The following SLC22A23 variants were observed in gnomAD, a reference collection of about 807,000 sequenced individuals.
SLC22A23 encodes the protein ion transporter protein.
SLC22A23 carries 26 observed loss-of-function variants against 61.0 expected under a neutral mutation model. The observed-to-expected ratio is 0.43, with a 90% CI of 0.31 to 0.59. The LOEUF is 0.59. Ranked by LOEUF, SLC22A23 falls within the 20% of genes least tolerant of loss-of-function variation. The pLI is 0.11. For missense variants in SLC22A23, 796 were observed against 934.7 expected (o/e 0.85, Z 1.94); for synonymous variants, 430 against 413.9 (o/e 1.04, Z -0.47).
intron 1 of SLC22A23, among the ~76,000 whole-genome samples, chr6:3,416,987 C>T (rs1463795403): frequency 6.6e-6 from 1 of 152,176 alleles, no homozygotes; most frequent in African/African-American, 2.4e-5. Flanking sequence ...CCCCTTGTCT[C>T]TATGCTACCC....
intron 1 of SLC22A23, chr6:3,439,343 G>T (rs767503140): frequency 2.4e-6 from 1 of 425,356 alleles, no homozygotes; most frequent in Non-Finnish European, 4.7e-6. Flanking sequence ...TGGATGCTGG[G>T]GTCCTACAGG....
chr6:3,300,272 A>G (rs1761501073), intron 4 of SLC22A23, among the ~76,000 whole-genome samples: 2 of 151,940 alleles, frequency 1.3e-5, no homozygotes, highest in Admixed American at 6.6e-5. Flanking sequence ...GCCTCCCAAA[A>G]TGCTGGGATT....
At chr6:3,343,972 T>A (rs956821919) in intron 3 of SLC22A23, among the ~76,000 whole-genome samples, 3 of 152,224 alleles carry the variant, frequency 2.0e-5, no homozygotes, top group Admixed American at 6.5e-5. Context: ...GAAAATATTT[T>A]AAGAGGATTT....
chr6:3,447,277 T>A (rs1771941600), intron 1 of SLC22A23, among the ~76,000 whole-genome samples: 1 of 152,194 alleles, frequency 6.6e-6, no homozygotes, highest in African/African-American at 2.4e-5. Flanking sequence ...TCTCTCTACC[T>A]CCTACTCAAA....
chr6:3,282,226 C>T (rs756724662), intron 9 of SLC22A23: 68 of 702,566 alleles, frequency 9.7e-5, no homozygotes, highest in Middle Eastern at 2.3e-4. Flanking sequence ...TTTCACTTTC[C>T]GTCCTTTAGA....
intron 1 of SLC22A23, among the ~76,000 whole-genome samples, chr6:3,419,714 G>A (rs1236818981): frequency 6.6e-6 from 1 of 152,162 alleles, no homozygotes; most frequent in Non-Finnish European, 1.5e-5. Flanking sequence ...GCTCTGCCAG[G>A]AATCCTTCCA....
intron 3 of SLC22A23, among the ~76,000 whole-genome samples, chr6:3,332,330 C>T (rs1473229703): frequency 2.6e-5 from 4 of 152,156 alleles, no homozygotes; most frequent in Admixed American, 1.3e-4. Context: ...CAGTTCACAG[C>T]ATCACTACTG....
Position 3,326,789 on chromosome 6 carries a change from A to G in SLC22A23, c.914-2787T>C, listed in dbSNP as rs1165082208. ...CTTTCCAAACTGCTTGAATCTAACT[A>G]TATTCTGAAGGTGGCTATAAAGATG... is the stretch of plus-strand genomic sequence containing the variant. On this transcript the variant is annotated intron_variant, in intron 3 of 9. Coordinates refer to ENST00000406686, the MANE Select transcript of SLC22A23 (RefSeq NM_015482.2). 3.9e-5 allele frequency among the ~76,000 whole-genome samples: 6 copies of G among 152,210 alleles called. No individual in the cohort carries two copies. The East Asian group carries it at 1.2e-3, about 29-fold the overall frequency.
intron 3 of SLC22A23, among the ~76,000 whole-genome samples, chr6:3,382,866 T>C (rs922093824): frequency 6.6e-6 from 1 of 152,160 alleles, no homozygotes; most frequent in East Asian, 1.9e-4. Context: ...AAGAAGGGCA[T>C]TGCTGCTGAT....
intron 1 of SLC22A23, chr6:3,444,680 G>T: frequency 1.7e-6 from 1 of 590,940 alleles, no homozygotes. Context: ...TCTGATCCCG[G>T]CCTCTCTCTG....
rs17249131 is a variant in SLC22A23 at position 3,387,877 on chromosome 6, C to T, written c.913+22311G>A. 0.11 allele frequency among the ~76,000 whole-genome samples: 16,134 copies of T among 152,162 alleles called. 1,173 individuals are homozygous for T. Among genetic ancestry groups the T allele is most frequent in the South Asian group, 0.28 (1,365 of 4,816 alleles). On this transcript the variant is annotated intron_variant, in intron 3 of 9. Coordinates refer to ENST00000406686, the MANE Select transcript of SLC22A23 (RefSeq NM_015482.2). This position sits in a 1 kb window ranked among gnomAD's most constrained non-coding sequence, Gnocchi z 5.0. ...CAGGAAAGGAGAAGGCAGGCCGCAG[C>T]GAGGATGTCCTGGCAGCCCACGACA...
chr6:3,269,086 A>C lies in SLC22A23; in HGVS notation c.*3969T>G, dbSNP rs1758307465. 6.6e-6 allele frequency: 1 copy of C among 152,326 alleles called. No individual in the cohort carries two copies. Among genetic ancestry groups the C allele is most frequent in the Non-Finnish European group, 1.5e-5 (1 of 68,022 alleles). 9.4% of individuals were successfully genotyped at this position (152,326 alleles called of 1,614,324 possible). On this transcript the variant is annotated 3_prime_UTR_variant, in exon 10 of 10. Coordinates refer to ENST00000406686, the MANE Select transcript of SLC22A23 (RefSeq NM_015482.2). Reference sequence around the variant, plus strand: ...CACAGAATCACAGTGTAAGATATTCATTTCTTGACGTCTCTAGGAACCTTC... The same window carrying C: ...CACAGAATCACAGTGTAAGATATTCCTTTCTTGACGTCTCTAGGAACCTTC...
intron 1 of SLC22A23, among the ~76,000 whole-genome samples, chr6:3,420,003 T>G (rs1227790523): frequency 6.6e-6 from 1 of 152,158 alleles, no homozygotes; most frequent in Non-Finnish European, 1.5e-5. Flanking sequence ...ATCCTTTAAT[T>G]AAGCTTGTTA....
At chr6:3,331,980 C>A (rs1763603927) in intron 3 of SLC22A23, among the ~76,000 whole-genome samples, 1 of 152,204 alleles carries the variant, frequency 6.6e-6, no homozygotes, top group Admixed American at 6.5e-5. Context: ...ATTCCCAATC[C>A]TCAGTTTTTC....
At chr6:3,348,124 A>G (rs1421363170) in intron 3 of SLC22A23, among the ~76,000 whole-genome samples, 1 of 152,172 alleles carries the variant, frequency 6.6e-6, no homozygotes, top group African/African-American at 2.4e-5. Context: ...CCTGCTCTGG[A>G]AGGCTCCAGG....
At position 3,309,391 on chromosome 6, in the gene SLC22A23, C is replaced by T. The variant is rs1021357928; in HGVS notation, c.1083-11173G>A. Among the ~76,000 whole-genome samples, 5 of 152,216 alleles carry T rather than the reference C, an allele frequency of 3.3e-5. No individual in the cohort carries two copies. The East Asian group carries it at 9.6e-4, about 29-fold the overall frequency. On this transcript the variant is annotated intron_variant, in intron 4 of 9. Transcript: ENST00000406686. This position sits in a 1 kb window ranked among gnomAD's most constrained non-coding sequence, Gnocchi z 4.7. Reference sequence around the variant, plus strand: ...ATGCAGAGGTAACTCAGTCCACTCACTGAAAACACAGACTTGCTTCACAGA... The same window carrying T: ...ATGCAGAGGTAACTCAGTCCACTCATTGAAAACACAGACTTGCTTCACAGA...
chr6:3,405,465 C>T (rs953149862), intron 3 of SLC22A23, among the ~76,000 whole-genome samples: 5 of 152,034 alleles, frequency 3.3e-5, no homozygotes, highest in African/African-American at 1.2e-4. Context: ...CGTATTCATG[C>T]GAAACTTTCC....
chr6:3,339,003 TG>T (rs1764009187), intron 3 of SLC22A23, among the ~76,000 whole-genome samples: 2 of 152,056 alleles, frequency 1.3e-5, no homozygotes, highest in African/African-American at 4.8e-5. Flanking sequence ...AGCAATTTGG[TG>T]GAGGTGCCAG....
intron 3 of SLC22A23, among the ~76,000 whole-genome samples, chr6:3,326,079 G>C (rs1443849925): frequency 1.3e-5 from 2 of 152,194 alleles, no homozygotes; most frequent in Admixed American, 1.3e-4. Context: ...TGTCACACAA[G>C]GGATCATGAG....
Sources: gnomAD v4.1 joint callset for allele counts (sites outside exome capture counted in the v4.1 genomes callset) on GRCh38, gnomAD v4.1.1 for gene constraint, Gnocchi (gnomAD v3.1) non-coding constraint, MANE v1.5 for transcripts, NCBI Gene and HGNC (gene_info 2026-07-23, HGNC 2026-07-21) for gene names.